Variants in GGACT observed in about 807,000 individuals in gnomAD.
GGACT encodes the protein gamma-glutamylaminecyclotransferase.
For missense variants in GGACT, 241 were observed against 233.2 expected (o/e 1.03, Z -0.22); for synonymous variants, 118 against 115.3 (o/e 1.02, Z -0.15).
chr13:100,544,637 G>A (rs1020343815), intron 2 of GGACT, among the ~76,000 whole-genome samples: 6 of 152,190 alleles, frequency 3.9e-5, no homozygotes, highest in Non-Finnish European at 5.9e-5. Context: ...GAAATCAAAC[G>A]GACACTTGGT....
At position 100,545,309 on chromosome 13, in the gene GGACT, T is replaced by C. The variant is rs1265495754; in HGVS notation, c.-10-12708A>G. 6.6e-6 allele frequency among the ~76,000 whole-genome samples: 1 copy of C among 152,188 alleles called. No homozygotes were observed. Among genetic ancestry groups the C allele is most frequent in the African/African-American group, 2.4e-5 (1 of 41,442 alleles). On this transcript the variant is annotated intron_variant, in intron 2 of 2. Transcript: ENST00000683975. This position sits in a 1 kb window ranked among gnomAD's most constrained non-coding sequence, Gnocchi z 4.4. ...TTCACTCCCAGCTTCTCCCCCCTTTTGCAGATGGGGAAGCTGGGGCAGAGG... is the reference window on the plus strand; with the variant it reads ...TTCACTCCCAGCTTCTCCCCCCTTTCGCAGATGGGGAAGCTGGGGCAGAGG...
rs377407738 is a variant in GGACT, at chr13:100,578,759, T to C, written c.-11+5066A>G. 3.9e-5 allele frequency: 6 copies of C among 152,338 alleles called. No homozygotes were observed. In the East Asian group the frequency reaches 9.6e-4, roughly 24 times the overall value. 9.4% of individuals were successfully genotyped at this position (152,338 alleles called of 1,614,324 possible). ...AACTAAATCAAGGGAGGAAGAGTAATTCAAAGCAGGCAGTTATGATTATTT... is the reference window on the plus strand; with the variant it reads ...AACTAAATCAAGGGAGGAAGAGTAACTCAAAGCAGGCAGTTATGATTATTT... On this transcript the variant is annotated intron_variant, in intron 2 of 2. Coordinates refer to ENST00000683975, the MANE Select transcript of GGACT (RefSeq NM_001195087.2).
At chr13:100,560,000 G>A (rs959952415) in intron 2 of GGACT, among the ~76,000 whole-genome samples, 2 of 152,130 alleles carry the variant, frequency 1.3e-5, no homozygotes, top group East Asian at 3.9e-4. Flanking sequence ...GAAGCCAGAC[G>A]CCAAAGACTA....
intron 2 of GGACT, among the ~76,000 whole-genome samples, chr13:100,542,171 G>A (rs1025999059): frequency 2.7e-4 from 41 of 152,184 alleles, no homozygotes; most frequent in African/African-American, 8.2e-4. Context: ...GAATAAAATG[G>A]TGTACAACCA....
In GGACT at chr13:100,530,223, T is replaced by TCACA. The variant is rs2088305116; in HGVS notation, c.*1903_*1906dup. 7.7e-7 allele frequency: 1 copy of TCACA among 1,299,754 alleles called. No homozygotes were observed. The highest frequency in any genetic ancestry group is 1.6e-5 in the African/African-American group (1 of 62,446). The allele number at this position is 1,299,754 out of a possible 1,614,324, so 80.5% of individuals were successfully genotyped here. A position where few individuals can be genotyped will look rare whatever the true frequency, so the allele number is the denominator to read the frequency against. ...TTAATTAGCCATTTGCATGATGCTT[T>TCACA]CACACACAATTGATTCAAGCATTAT... On this transcript the variant is annotated 3_prime_UTR_variant, in exon 3 of 3. Transcript: ENST00000683975.
chr13:100,546,321 C>A lies in GGACT; in HGVS notation c.-10-13720G>T, dbSNP rs572902305. On this transcript the variant is annotated intron_variant, in intron 2 of 2. Transcript: ENST00000683975. ...AGCTTGCAGTAAGCCGAGATGGCGC[C>A]ACTGCACTCCAGCCTGGGCGACAGG... Among the ~76,000 whole-genome samples the A allele has an allele frequency of 4.2e-5, 6 of 142,420 alleles. No individual in the cohort carries two copies. The East Asian group carries it at 1.0e-3, about 24-fold the overall frequency. The allele number at this position is 142,420 out of a possible 152,430, so 93.4% of individuals were successfully genotyped here. A position where few individuals can be genotyped will look rare whatever the true frequency, so the allele number is the denominator to read the frequency against.
chr13:100,532,917 G>T (rs2088436391), intron 2 of GGACT, among the ~76,000 whole-genome samples: 1 of 152,234 alleles, frequency 6.6e-6, no homozygotes. Context: ...CTAGGCTAGA[G>T]AAAGGGGCAC....
intron 2 of GGACT, among the ~76,000 whole-genome samples, chr13:100,579,215 A>G (rs1228618045): frequency 6.6e-6 from 1 of 152,188 alleles, no homozygotes; most frequent in African/African-American, 2.4e-5. Context: ...GCATGCAAAA[A>G]CAATTAATTA....
At chr13:100,560,758 G>T (rs1289000673) in intron 2 of GGACT, among the ~76,000 whole-genome samples, 1 of 152,222 alleles carries the variant, frequency 6.6e-6, no homozygotes, top group Admixed American at 6.5e-5. Context: ...ATCTAGCTTT[G>T]TTTTTCTGAC....
intron 2 of GGACT, among the ~76,000 whole-genome samples, chr13:100,562,533 C>A (rs996348235): frequency 6.6e-6 from 1 of 152,140 alleles, no homozygotes; most frequent in African/African-American, 2.4e-5. Context: ...TGGTGGCTCA[C>A]GCCTGTAATT....
At chr13:100,567,712 T>A (rs1324985892) in intron 2 of GGACT, among the ~76,000 whole-genome samples, 2 of 152,228 alleles carry the variant, frequency 1.3e-5, no homozygotes, top group Non-Finnish European at 2.9e-5. Flanking sequence ...CACTTCTATA[T>A]CTGTCTACAC....
chr13:100,582,428 C>A (rs965423805), intron 2 of GGACT, among the ~76,000 whole-genome samples: 7 of 152,190 alleles, frequency 4.6e-5, no homozygotes, highest in African/African-American at 1.4e-4. Flanking sequence ...ATCCTAATCC[C>A]TGGAACCTAT....
intron 2 of GGACT, chr13:100,539,975 G>A (rs538258866): frequency 1.3e-5 from 20 of 1,541,912 alleles, no homozygotes; most frequent in East Asian, 9.0e-5. Flanking sequence ...CGGTCCTTGC[G>A]GGCTTCACGA....
At chr13:100,578,653 C>A (rs1015963193) in intron 2 of GGACT, among the ~76,000 whole-genome samples, 4 of 152,212 alleles carry the variant, frequency 2.6e-5, no homozygotes, top group African/African-American at 9.6e-5. Context: ...TCAAACCATT[C>A]TTTGTTCATT....
At chr13:100,574,951 T>C (rs1360222933) in intron 2 of GGACT, among the ~76,000 whole-genome samples, 2 of 152,104 alleles carry the variant, frequency 1.3e-5, no homozygotes, top group Admixed American at 1.3e-4. Flanking sequence ...GCCTCTGAGG[T>C]TTCAGCCACA....
chr13:100,540,405 G>T (rs970716419), intron 2 of GGACT, among the ~76,000 whole-genome samples: 2 of 152,118 alleles, frequency 1.3e-5, no homozygotes, highest in Non-Finnish European at 2.9e-5. Context: ...CAATTTGTTG[G>T]CATAATTGTT....
At chr13:100,540,546 A>G (rs1481180484) in intron 2 of GGACT, among the ~76,000 whole-genome samples, 1 of 152,090 alleles carries the variant, frequency 6.6e-6, no homozygotes, top group East Asian at 1.9e-4. Flanking sequence ...AGGTCTGTCA[A>G]TTTTGTTAGT....
At chr13:100,556,394 A>T (rs1309592707) in intron 2 of GGACT, among the ~76,000 whole-genome samples, 1 of 152,170 alleles carries the variant, frequency 6.6e-6, no homozygotes, top group African/African-American at 2.4e-5. Context: ...AAAATCTGAA[A>T]TACTTAGGGT....
intron 1 of GGACT, among the ~76,000 whole-genome samples, chr13:100,584,858 A>G (rs886604590): frequency 6.6e-6 from 1 of 152,360 alleles, no homozygotes; most frequent in South Asian, 2.1e-4. Context: ...AGTAAAAAGA[A>G]AAAGAAAAAA....
Sources: gnomAD v4.1 joint callset for allele counts (sites outside exome capture counted in the v4.1 genomes callset) on GRCh38, gnomAD v4.1.1 for gene constraint, Gnocchi (gnomAD v3.1) non-coding constraint, MANE v1.5 for transcripts, NCBI Gene and HGNC (gene_info 2026-07-23, HGNC 2026-07-21) for gene names.